Variants in LRP1B observed in about 807,000 individuals in gnomAD.
LRP1B encodes low-density lipoprotein receptor-related protein 1B.
In LRP1B, 217 loss-of-function variants were observed where a neutral mutation model predicts 556.6. The observed-to-expected ratio is 0.39, with a 90% CI of 0.35 to 0.44. The LOEUF is 0.44. Among genes scored for constraint, LRP1B ranks in the 20% least tolerant of loss-of-function variants. LRP1B has a pLI of 1.00. For synonymous variants in LRP1B, 2,047 were observed against 1,865.8 expected, an observed-to-expected ratio of 1.10 and a Z score of -2.50; for missense variants, 5,053 against 5,620.8, an observed-to-expected ratio of 0.90 and a Z score of 3.23.
intron 1 of LRP1B, among the ~76,000 whole-genome samples, chr2:142,024,319 A>T (rs1703435046): frequency 6.6e-6 from 1 of 152,222 alleles, no homozygotes; most frequent in Non-Finnish European, 1.5e-5. Flanking sequence ...TTATTTTAAC[A>T]GTTTAGGGCA....
intron 1 of LRP1B, among the ~76,000 whole-genome samples, chr2:142,048,627 G>T (rs988490615): frequency 2.6e-5 from 4 of 151,974 alleles, no homozygotes; most frequent in African/African-American, 9.7e-5. Flanking sequence ...CTAGTCTAAA[G>T]CTTATGTCAT....
At chr2:141,842,653 T>G (rs1697513959) in intron 1 of LRP1B, among the ~76,000 whole-genome samples, 2 of 152,142 alleles carry the variant, frequency 1.3e-5, no homozygotes, top group South Asian at 4.1e-4. Context: ...GGTTAATAAA[T>G]ATTTTATCAC....
At chr2:140,699,138 C>T (rs1686541054) in intron 41 of LRP1B, among the ~76,000 whole-genome samples, 1 of 152,010 alleles carries the variant, frequency 6.6e-6, no homozygotes, top group Admixed American at 6.6e-5. Flanking sequence ...ACCACACATA[C>T]AGGCTTGGAT....
chr2:140,316,026 G>T (rs1684506056), intron 82 of LRP1B, among the ~76,000 whole-genome samples: 1 of 152,048 alleles, frequency 6.6e-6, no homozygotes, highest in African/African-American at 2.4e-5. Context: ...GACATTCCTT[G>T]GGGTAGCAAA....
intron 1 of LRP1B, among the ~76,000 whole-genome samples, chr2:141,856,348 T>G (rs1294494544): frequency 6.6e-6 from 1 of 152,168 alleles, no homozygotes; most frequent in African/African-American, 2.4e-5. Context: ...AAAAGGATCA[T>G]CTAATCCAGT....
At chr2:141,987,719 C>T (rs376310726) in intron 1 of LRP1B, among the ~76,000 whole-genome samples, 22 of 151,808 alleles carry the variant, frequency 1.4e-4, no homozygotes, top group African/African-American at 5.3e-4. Flanking sequence ...TTTTATAAAG[C>T]TTTTCAAAAA....
rs200881047 is a variant in LRP1B at position 140,274,812 on chromosome 2, T to G, written c.12968-214A>C. Among the ~76,000 whole-genome samples, 5 of 115,592 alleles carry G rather than the reference T, an allele frequency of 4.3e-5. No individual in the cohort carries two copies. The South Asian group carries it at 1.4e-3, about 33-fold the overall frequency. The allele number at this position is 115,592 out of a possible 152,430, so 75.8% of individuals were successfully genotyped here. A position where few individuals can be genotyped will look rare whatever the true frequency, so the allele number is the denominator to read the frequency against. ...ATCATTTTCCTCTGGCTAAGAGAGC[T>G]TATATTGCTATAATGCTAGGTGACA... On this transcript the variant is annotated intron_variant, in intron 84 of 90. Coordinates refer to ENST00000389484, the MANE Select transcript of LRP1B (RefSeq NM_018557.3).
rs181119515 is a variant in LRP1B, at chr2:141,379,856, A to C, written c.343+100540T>G. On this transcript the variant is annotated intron_variant, in intron 3 of 90. Transcript: ENST00000389484. ...GAGCAAGCAATAAAGCCAAGCTCCT[A>C]GATTCTCCATGAAAGGGATTAGACT... Among the ~76,000 whole-genome samples, 238 of 152,288 alleles carry C rather than the reference A, an allele frequency of 1.6e-3. 2 individuals carry two copies. The highest frequency in any genetic ancestry group is 0.014 in the Admixed American group (211 of 15,288).
At chr2:140,832,028 G>C (rs1055644631) in intron 31 of LRP1B, among the ~76,000 whole-genome samples, 3 of 152,190 alleles carry the variant, frequency 2.0e-5, no homozygotes, top group African/African-American at 7.2e-5. Context: ...ACAGTAGCTA[G>C]TGAGGAGGTA....
At chr2:140,771,182 T>C (rs568718492) in intron 33 of LRP1B, among the ~76,000 whole-genome samples, 176 bp from the exon 34 acceptor site, 2 of 152,258 alleles carry the variant, frequency 1.3e-5, no homozygotes, top group East Asian at 3.9e-4. Context: ...TAAATTATTG[T>C]TGAATTTTCC....
At chr2:141,261,437 T>C (rs917974599) in intron 3 of LRP1B, among the ~76,000 whole-genome samples, 5 of 152,210 alleles carry the variant, frequency 3.3e-5, no homozygotes, top group Non-Finnish European at 5.9e-5. Context: ...ATGTGTATTG[T>C]TGTCTAACCA....
At chr2:140,742,360 C>T (rs530056285) in intron 35 of LRP1B, among the ~76,000 whole-genome samples, 1 of 152,110 alleles carries the variant, frequency 6.6e-6, no homozygotes, top group Non-Finnish European at 1.5e-5. Context: ...ATGTTTAGTT[C>T]TAATTTTAAA....
chr2:140,672,813 G>T (rs182529330), intron 41 of LRP1B, among the ~76,000 whole-genome samples: 108 of 152,176 alleles, frequency 7.1e-4, no homozygotes, highest in Non-Finnish European at 8.8e-5. Flanking sequence ...GTATGTCCTG[G>T]GAATTTGCAC....
intron 2 of LRP1B, among the ~76,000 whole-genome samples, chr2:141,638,131 G>A (rs1689169228): frequency 6.6e-6 from 1 of 152,004 alleles, no homozygotes; most frequent in African/African-American, 2.4e-5. Context: ...AGGCTGCAAT[G>A]AGCCGAGGTC....
intron 1 of LRP1B, among the ~76,000 whole-genome samples, chr2:141,845,898 A>T (rs1697629860): frequency 6.6e-6 from 1 of 151,702 alleles, no homozygotes; most frequent in Non-Finnish European, 1.5e-5. Flanking sequence ...CATGACAAAT[A>T]AAAATGTCAC....
chr2:140,906,847 C>A (rs950860274), intron 22 of LRP1B, among the ~76,000 whole-genome samples: 1 of 151,322 alleles, frequency 6.6e-6, no homozygotes, highest in East Asian at 1.9e-4. Flanking sequence ...AACTTAAGTT[C>A]TTTTATTTGT....
At chr2:141,275,084 C>T (rs775145328) in intron 3 of LRP1B, among the ~76,000 whole-genome samples, 8 of 152,160 alleles carry the variant, frequency 5.3e-5, no homozygotes, top group Non-Finnish European at 1.0e-4. Flanking sequence ...AAAGCTACTT[C>T]CCAGGAGGCT....
intron 58 of LRP1B, among the ~76,000 whole-genome samples, chr2:140,486,509 T>TA (rs1194636291): frequency 1.3e-5 from 2 of 151,858 alleles, no homozygotes; most frequent in Non-Finnish European, 1.5e-5. Context: ...CATAACCTTA[T>TA]GTAAATAGGT....
At chr2:140,959,667 T>C (rs1419132975) in intron 18 of LRP1B, among the ~76,000 whole-genome samples, 1 of 151,760 alleles carries the variant, frequency 6.6e-6, no homozygotes, top group Non-Finnish European at 1.5e-5. Context: ...AAAATACATG[T>C]GAAGTATCTC....
Sources: gnomAD v4.1 joint callset for allele counts (sites outside exome capture counted in the v4.1 genomes callset) on GRCh38, gnomAD v4.1.1 for gene constraint, MANE v1.5 for transcripts, NCBI Gene and HGNC (gene_info 2026-07-23, HGNC 2026-07-21) for gene names.